The following ANKRD17 variants were observed in gnomAD, a reference collection of about 807,000 sequenced individuals.
ANKRD17 encodes ankyrin repeat domain 17.
A neutral mutation model predicts 229.7 loss-of-function variants in ANKRD17; 19 were observed. The observed-to-expected ratio is 0.08, with a 90% CI of 0.06 to 0.12. ANKRD17 has a LOEUF of 0.12. Ranked by LOEUF, ANKRD17 falls within the 10% of genes least tolerant of loss-of-function variation. ANKRD17 has a pLI of 1.00. For missense variants in ANKRD17, 2,176 were observed against 3,176.8 expected (o/e 0.68, Z 7.57); for synonymous variants, 1,112 against 1,146.1 (o/e 0.97, Z 0.60).
chr4:73,074,033 A>G lies in ANKRD17; in HGVS notation c.*2198T>C, dbSNP rs1720863119. ...GTGCACTGCATTACATCTGAAATAT[A>G]AAAAATGTATTTTAAAAATGTTCCT... is the stretch of plus-strand genomic sequence containing the variant. On this transcript the variant is annotated 3_prime_UTR_variant, in exon 34 of 34. Transcript: ENST00000358602. 6.6e-6 allele frequency: 1 copy of G among 152,018 alleles called. No homozygotes were observed. The highest frequency in any genetic ancestry group is 1.5e-5 in the Non-Finnish European group (1 of 67,884). 9.4% of individuals were successfully genotyped at this position (152,018 alleles called of 1,614,324 possible). A position where few individuals can be genotyped will look rare whatever the true frequency, so the allele number is the denominator to read the frequency against.
rs767960325 is a variant in ANKRD17 at position 73,102,363 on chromosome 4, T to G, written c.4573+13A>C. The G allele has an allele frequency of 2.5e-6, 4 of 1,574,618 alleles. No individual in the cohort carries two copies. Among genetic ancestry groups the G allele is most frequent in the Non-Finnish European group, 3.4e-6 (4 of 1,170,028 alleles). On this transcript the variant is annotated intron_variant, in intron 25 of 33. Coordinates refer to ENST00000358602, the MANE Select transcript of ANKRD17 (RefSeq NM_032217.5). ...AATATAAAACAAATGGGATGGTTGTTAAGAGAAAATACCTTCAACTTTAAG... is the reference window on the plus strand; with the variant it reads ...AATATAAAACAAATGGGATGGTTGTGAAGAGAAAATACCTTCAACTTTAAG...
chr4:73,100,000 C>T (rs1723769435), intron 25 of ANKRD17, among the ~76,000 whole-genome samples: 1 of 152,130 alleles, frequency 6.6e-6, no homozygotes, highest in Non-Finnish European at 1.5e-5. Flanking sequence ...AGAAGGGGCA[C>T]CAATAACAAG....
chr4:73,100,880 G>A lies in ANKRD17; in HGVS notation c.4573+1496C>T, dbSNP rs1260518407. The A allele has an allele frequency of 4.1e-6, 4 of 985,102 alleles. No homozygotes were observed. The South Asian group carries it at 1.4e-4, about 35-fold the overall frequency. The allele number at this position is 985,102 out of a possible 1,614,324, so 61.0% of individuals were successfully genotyped here. ...CACACATTGCATGCACATATTTTTG[G>A]TGGTTTCATGGCAATGGTTCCTTCC... On this transcript the variant is annotated intron_variant, in intron 25 of 33. Transcript: ENST00000358602.
chr4:73,239,629 C>A (rs575352403), intron 1 of ANKRD17, among the ~76,000 whole-genome samples: 1 of 152,134 alleles, frequency 6.6e-6, no homozygotes, highest in East Asian at 1.9e-4. Flanking sequence ...GGATTACATA[C>A]ACTTACAATT....
At position 73,139,926 on chromosome 4, in the gene ANKRD17, T is replaced by C. The variant is rs772891294; in HGVS notation, c.2690A>G (p.Gln897Arg). The change falls in exon 15 of 34, where the codon CAA (glutamine) becomes CGA (arginine). Residue 897 changes from glutamine to arginine, a missense_variant. By Grantham distance (43) the Gln-to-Arg change is conservative. Around this residue, in one of 18 missense-constraint regions of ANKRD17, gnomAD observed 230 missense variants for 252.3 expected, o/e 0.91. Transcript: ENST00000358602. ...QYLEVKAQRI[Q>R]LQQQQQQSCQ... The stretch of plus-strand genomic sequence containing the variant: ...AGACTGTTGCTGCTGTTGCTGAAGT[T>C]GAATTCTTTGAGCTTTAACCTCTAG... 5 of 1,614,234 alleles carry C rather than the reference T, an allele frequency of 3.1e-6. No individual in the cohort carries two copies. Among genetic ancestry groups the C allele is most frequent in the South Asian group, 1.1e-5 (1 of 91,082 alleles).
chr4:73,253,553 T>C (rs1745209003), intron 1 of ANKRD17, among the ~76,000 whole-genome samples: 1 of 152,232 alleles, frequency 6.6e-6, no homozygotes. Flanking sequence ...GAAATTGCAG[T>C]AGAGATTTAA....
Position 73,091,758 on chromosome 4 carries a change from G to A in ANKRD17, c.5870C>T (p.Ser1957Phe), listed in dbSNP as rs1722818902. ...PRHSNQNSSG[S>F]QVNSAGSLTS... is the part of the protein sequence containing the mutation. ...TAAAGAACCTGCTGAATTCACCTGA[G>A]AACCACTGCTATTCTGATTGCTATG... The change falls in exon 29 of 34, where the codon TCT (serine) becomes TTT (phenylalanine). Residue 1957 changes from serine to phenylalanine, a missense_variant. Transcript: ENST00000358602. The A allele has an allele frequency of 6.2e-7, 1 of 1,614,048 alleles. No homozygotes were observed. Among genetic ancestry groups the A allele is most frequent in the South Asian group, 1.1e-5 (1 of 91,088 alleles).
At chr4:73,230,459 G>T (rs1252110871) in intron 1 of ANKRD17, among the ~76,000 whole-genome samples, 1 of 152,024 alleles carries the variant, frequency 6.6e-6, no homozygotes, top group Non-Finnish European at 1.5e-5. Flanking sequence ...AGGTGGCAGG[G>T]TTTATACTAT....
rs1361073717 is a variant in ANKRD17, at chr4:73,142,807, G to A, written c.1958-40C>T. The A allele has an allele frequency of 3.8e-6, 6 of 1,564,850 alleles. No homozygotes were observed. The East Asian group carries it at 9.2e-5, about 24-fold the overall frequency. On this transcript the variant is annotated intron_variant, in intron 11 of 33. Coordinates refer to ENST00000358602, the MANE Select transcript of ANKRD17 (RefSeq NM_032217.5). ...GCATGGAAAATCATATTAGTAGAATGGTTTTTCTTAAAATTATGGTAAATT... is the reference window on the plus strand; with the variant it reads ...GCATGGAAAATCATATTAGTAGAATAGTTTTTCTTAAAATTATGGTAAATT...
intron 1 of ANKRD17, among the ~76,000 whole-genome samples, chr4:73,256,624 G>A (rs1177637410): frequency 6.6e-6 from 1 of 152,038 alleles, no homozygotes; most frequent in East Asian, 1.9e-4. Context: ...TAAAATAAAG[G>A]GCTGAATTAC....
intron 1 of ANKRD17, among the ~76,000 whole-genome samples, chr4:73,195,563 C>T (rs1737744306): frequency 6.6e-6 from 1 of 151,858 alleles, no homozygotes; most frequent in Non-Finnish European, 1.5e-5. Context: ...GGCTGGCGTG[C>T]AGTGGTACAA....
In ANKRD17 at chr4:73,077,493, C is replaced by G; in HGVS notation, c.7449G>C (p.Met2483Ile). 6.2e-7 allele frequency: 1 copy of G among 1,612,228 alleles called. No homozygotes were observed. The highest frequency in any genetic ancestry group is 8.5e-7 in the Non-Finnish European group (1 of 1,179,146). ...DWCNPGMGNP[M>I]IHRPMSDPGV... Reference sequence around the variant, plus strand: ...CTGGGTCAGACATCGGTCTGTGGATCATAGGATTTCCCATCCCAGGGTTAC... The same window carrying G: ...CTGGGTCAGACATCGGTCTGTGGATGATAGGATTTCCCATCCCAGGGTTAC... Residue 2483 changes from methionine to isoleucine, a missense_variant, in exon 32 of 34, where the codon ATG becomes ATC. This residue lies in a region of ANKRD17 where 159 missense variants were observed against 214.3 expected (regional missense o/e 0.74). Transcript: ENST00000358602.
intron 24 of ANKRD17, among the ~76,000 whole-genome samples, chr4:73,105,981 G>A (rs1216576451): frequency 2.0e-5 from 3 of 152,100 alleles, no homozygotes; most frequent in Admixed American, 1.3e-4. Context: ...ATTCAAATAC[G>A]TCCAGAGGCA....
intron 3 of ANKRD17, among the ~76,000 whole-genome samples, chr4:73,159,685 C>A (rs1732233082): frequency 6.6e-6 from 1 of 152,078 alleles, no homozygotes; most frequent in South Asian, 2.1e-4. Flanking sequence ...TTAGTATACC[C>A]TTCAAGGTGT....
At chr4:73,227,602 T>C (rs1742641914) in intron 1 of ANKRD17, among the ~76,000 whole-genome samples, 1 of 151,952 alleles carries the variant, frequency 6.6e-6, no homozygotes, top group Non-Finnish European at 1.5e-5. Flanking sequence ...TGTAAACATA[T>C]AAAAATAATT....
At chr4:73,168,142 C>T (rs967773092) in intron 2 of ANKRD17, among the ~76,000 whole-genome samples, 2 of 150,290 alleles carry the variant, frequency 1.3e-5, no homozygotes, top group Non-Finnish European at 3.0e-5. Context: ...GAGAGTGAGA[C>T]TCCGTCTCAA....
intron 1 of ANKRD17, among the ~76,000 whole-genome samples, chr4:73,203,758 C>CAAAAAA (rs67020753): frequency 2.1e-3 from 170 of 81,854 alleles, no homozygotes; most frequent in African/African-American, 4.3e-3. Flanking sequence ...GACTCCGTCT[C>CAAAAAA]AAAAAAAAAA....
At chr4:73,105,222 C>G (rs918214662) in intron 24 of ANKRD17, among the ~76,000 whole-genome samples, 4 of 151,864 alleles carry the variant, frequency 2.6e-5, no homozygotes, top group Non-Finnish European at 4.4e-5. Flanking sequence ...TGTGGATCAA[C>G]AGATACAGGA....
intron 7 of ANKRD17, among the ~76,000 whole-genome samples, 197 bp from the exon 8 acceptor site, chr4:73,149,247 G>A (rs1160799024): frequency 6.6e-6 from 1 of 151,892 alleles, no homozygotes; most frequent in Non-Finnish European, 1.5e-5. Flanking sequence ...GGGAAATAGA[G>A]ATTGAAAATA....
Sources: gnomAD v4.1 joint callset for allele counts (sites outside exome capture counted in the v4.1 genomes callset) on GRCh38, gnomAD v4.1.1 for gene constraint, gnomAD v4.1.1 regional missense constraint, MANE v1.5 for transcripts, NCBI Gene and HGNC (gene_info 2026-07-23, HGNC 2026-07-21) for gene names.